Variants in RAP1GAP2 observed in about 807,000 individuals in gnomAD.
RAP1GAP2 encodes the protein rap1 GTPase-activating protein 2.
Under a neutral mutation model 95.0 loss-of-function variants are expected in RAP1GAP2, and 27 were observed. That is an observed-to-expected ratio of 0.28 (90% CI 0.21 to 0.39). The LOEUF is 0.39. Ranked by LOEUF, RAP1GAP2 falls within the 10% of genes least tolerant of loss-of-function variation. RAP1GAP2 has a pLI of 1.00. For missense variants in RAP1GAP2, 771 were observed against 970.0 expected, an observed-to-expected ratio of 0.79 and a Z score of 2.72; for synonymous variants, 373 against 380.9, an observed-to-expected ratio of 0.98 and a Z score of 0.24.
chr17:2,931,998 T>C (rs75547722), intron 3 of RAP1GAP2, among the ~76,000 whole-genome samples: 1,740 of 152,240 alleles, frequency 0.011, 30 homozygotes, highest in African/African-American at 0.04. Context: ...AGATATATAA[T>C]GATATATTCA....
At position 2,981,261 on chromosome 17, in the gene RAP1GAP2, A is replaced by T. The variant is rs756565925; in HGVS notation, c.729+13A>T. 9 of 1,602,866 alleles carry T rather than the reference A, an allele frequency of 5.6e-6. No individual in the cohort carries two copies. The Admixed American group carries it at 1.4e-4, about 24-fold the overall frequency. On this transcript the variant is annotated intron_variant, in intron 10 of 24. Coordinates refer to ENST00000254695, the MANE Select transcript of RAP1GAP2 (RefSeq NM_015085.5). ...CCTGTACCCCAAGGTAAGGACCTTC[A>T]TGCTCCCAACATAGGGGCCCTGCAG...
chr17:3,002,230 G>A lies in RAP1GAP2; in HGVS notation c.1201-3139G>A, dbSNP rs568870962. Among the ~76,000 whole-genome samples, 15 of 152,286 alleles carry A rather than the reference G, an allele frequency of 9.8e-5. No homozygotes were observed. The South Asian group carries it at 3.1e-3, about 32-fold the overall frequency. On this transcript the variant is annotated intron_variant, in intron 14 of 24. Coordinates refer to ENST00000254695, the MANE Select transcript of RAP1GAP2 (RefSeq NM_015085.5). ...CTGGCCTCGGCCTCCCAAAGTGCTG[G>A]CATTACAGGCGTGAACCATCATGCC...
rs1301645940 is a variant in RAP1GAP2, at chr17:2,825,377, T to C, written c.80+24827T>C. Among the ~76,000 whole-genome samples the C allele has an allele frequency of 6.6e-6, 1 of 152,144 alleles. No homozygotes were observed. The highest frequency in any genetic ancestry group is 1.5e-5 in the Non-Finnish European group (1 of 68,036). On this transcript the variant is annotated intron_variant, in intron 2 of 24. Transcript: ENST00000254695. This position sits in a 1 kb window ranked among gnomAD's most constrained non-coding sequence, Gnocchi z 4.1. ...TGTTGGAACTGGGTCAGAATTGGAA[T>C]ACAGGAAGCAAGAACATGAGTGTTC...
Position 2,963,837 on chromosome 17 carries a change from A to G in RAP1GAP2, c.280-19A>G. ...CCCTGCGGTCCCAGGGGAGCGCACG[A>G]CCCTCCCTCTGCCTTCAGGTTGTGG... On this transcript the variant is annotated intron_variant, in intron 6 of 24. Coordinates refer to ENST00000254695, the MANE Select transcript of RAP1GAP2 (RefSeq NM_015085.5). This position sits in a 1 kb window ranked among gnomAD's most constrained non-coding sequence, Gnocchi z 4.8. 1 of 1,562,328 alleles carries G rather than the reference A, an allele frequency of 6.4e-7. No homozygotes were observed. The highest frequency in any genetic ancestry group is 8.7e-7 in the Non-Finnish European group (1 of 1,151,638).
chr17:2,928,890 C>T (rs1189582804), intron 3 of RAP1GAP2, among the ~76,000 whole-genome samples: 1 of 152,044 alleles, frequency 6.6e-6, no homozygotes, highest in Non-Finnish European at 1.5e-5. Context: ...GGGCAGGCTC[C>T]TGAGAGACCC....
intron 2 of RAP1GAP2, among the ~76,000 whole-genome samples, chr17:2,885,619 A>G (rs2073466552): frequency 6.6e-6 from 1 of 152,096 alleles, no homozygotes; most frequent in Non-Finnish European, 1.5e-5. Flanking sequence ...GCATCCCACC[A>G]CGTACACTCA....
At position 3,003,642 on chromosome 17, in the gene RAP1GAP2, C is replaced by G. The variant is rs779051376; in HGVS notation, c.1201-1727C>G. 5.9e-5 allele frequency among the ~76,000 whole-genome samples: 9 copies of G among 152,190 alleles called. No homozygotes were observed. Among genetic ancestry groups the G allele is most frequent in the Admixed American group, 1.3e-4 (2 of 15,282 alleles). On this transcript the variant is annotated intron_variant, in intron 14 of 24. Transcript: ENST00000254695. The surrounding 1 kb of genome is among the most constrained non-coding windows in gnomAD (Gnocchi z 4.1). ...TTCCTCCTTCCAGCCATGCAGGTCCCTTCCCCAGAGTCACCTGCATCTGCC... is the reference window on the plus strand; with the variant it reads ...TTCCTCCTTCCAGCCATGCAGGTCCGTTCCCCAGAGTCACCTGCATCTGCC...
chr17:2,920,939 T>C (rs183756587), intron 3 of RAP1GAP2, among the ~76,000 whole-genome samples: 206 of 152,260 alleles, frequency 1.4e-3, no homozygotes, highest in African/African-American at 4.5e-3. Context: ...TGTCTGGGAC[T>C]TCAGAGGCCA....
At chr17:2,769,802 G>T (rs1250344322) in intron 1 of RAP1GAP2, among the ~76,000 whole-genome samples, 2 of 151,970 alleles carry the variant, frequency 1.3e-5, no homozygotes, top group Admixed American at 6.6e-5. Flanking sequence ...GCCAGGTGCA[G>T]TGGTTCACAC....
chr17:2,757,343 A>C (rs1035591512), intron 1 of RAP1GAP2, among the ~76,000 whole-genome samples: 1 of 151,948 alleles, frequency 6.6e-6, no homozygotes, highest in African/African-American at 2.4e-5. Context: ...GCTAGTCTCG[A>C]ACTCCTGGGC....
rs2047459192 is a variant in RAP1GAP2 at position 3,036,099 on chromosome 17, A to G, written c.*2738A>G. Reference sequence around the variant, plus strand: ...AGTTGACGCTTAAAAACAGGTGCAGAAAAGCTCGCGATGGAAGGTCTTAAT... The same window carrying G: ...AGTTGACGCTTAAAAACAGGTGCAGGAAAGCTCGCGATGGAAGGTCTTAAT... On this transcript the variant is annotated 3_prime_UTR_variant, in exon 25 of 25. Coordinates refer to ENST00000254695, the MANE Select transcript of RAP1GAP2 (RefSeq NM_015085.5). 1 of 152,272 alleles carries G rather than the reference A, an allele frequency of 6.6e-6. No homozygotes were observed. Among genetic ancestry groups the G allele is most frequent in the African/African-American group, 2.4e-5 (1 of 41,466 alleles). The allele number at this position is 152,272 out of a possible 1,614,324, so 9.4% of individuals were successfully genotyped here.
chr17:2,929,240 A>T (rs547953888), intron 3 of RAP1GAP2, among the ~76,000 whole-genome samples: 1 of 152,110 alleles, frequency 6.6e-6, no homozygotes, highest in Non-Finnish European at 1.5e-5. Context: ...CTCAAGAAAA[A>T]AATAAAAGGC....
intron 2 of RAP1GAP2, among the ~76,000 whole-genome samples, chr17:2,842,211 A>G (rs2071397593): frequency 6.6e-6 from 1 of 152,096 alleles, no homozygotes; most frequent in African/African-American, 2.4e-5. Context: ...GATGTGAAAC[A>G]AGTTACACTC....
At chr17:2,876,593 G>T (rs1172694360) in intron 2 of RAP1GAP2, among the ~76,000 whole-genome samples, 30 of 152,190 alleles carry the variant, frequency 2.0e-4, no homozygotes, top group Non-Finnish European at 2.6e-4. Flanking sequence ...GGAGACCAAG[G>T]TTTCATCATG....
intron 2 of RAP1GAP2, among the ~76,000 whole-genome samples, chr17:2,845,027 G>A (rs1027674570): frequency 3.9e-5 from 6 of 152,168 alleles, no homozygotes; most frequent in Admixed American, 1.3e-4. Flanking sequence ...CAGTGTCCCC[G>A]CCTCATCTGG....
chr17:2,908,525 G>A (rs899164563), intron 3 of RAP1GAP2, among the ~76,000 whole-genome samples: 3 of 152,020 alleles, frequency 2.0e-5, no homozygotes, highest in South Asian at 2.1e-4. Context: ...CGGAGGGGCC[G>A]GTGGGGTTGT....
chr17:2,843,935 C>CG (rs912353080), intron 2 of RAP1GAP2, among the ~76,000 whole-genome samples: 1 of 150,064 alleles, frequency 6.7e-6, no homozygotes, highest in Non-Finnish European at 1.5e-5. Flanking sequence ...GGGTTGGGGG[C>CG]GGGGGTGGAG....
rs555873275 is a variant in RAP1GAP2 at position 3,008,591 on chromosome 17, G to C, written c.1494+446G>C. Among the ~76,000 whole-genome samples the C allele has an allele frequency of 6.6e-6, 1 of 152,302 alleles. No homozygotes were observed. The highest frequency in any genetic ancestry group is 2.1e-4 in the South Asian group (1 of 4,830). ...AGTGATTCTTCCTAGCCAGCCGGCC[G>C]AGCATTGGAAGACCTGGCTGGGCAG... On this transcript the variant is annotated intron_variant, in intron 17 of 24. Transcript: ENST00000254695. This position sits in a 1 kb window ranked among gnomAD's most constrained non-coding sequence, Gnocchi z 4.2.
intron 2 of RAP1GAP2, among the ~76,000 whole-genome samples, chr17:2,811,338 G>A (rs2069763028): frequency 6.6e-6 from 1 of 152,194 alleles, no homozygotes; most frequent in African/African-American, 2.4e-5. Context: ...CAGGGGTGCT[G>A]CTAACTTGCG....
Sources: gnomAD v4.1 joint callset for allele counts (sites outside exome capture counted in the v4.1 genomes callset) on GRCh38, gnomAD v4.1.1 for gene constraint, Gnocchi (gnomAD v3.1) non-coding constraint, MANE v1.5 for transcripts, NCBI Gene and HGNC (gene_info 2026-07-23, HGNC 2026-07-21) for gene names.